BLTP1: variants seen among roughly 807,000 people sequenced by gnomAD.
BLTP1 encodes fragile site-associated protein.
the BLTP1 span, chr4:122,243,925 C>T: frequency 6.2e-7 from 1 of 1,610,476 alleles, no homozygotes. Flanking sequence ...GAAGAGTGGA[C>T]CCTGGATCAA....
the BLTP1 span, chr4:122,174,570 A>G: frequency 1.9e-6 from 3 of 1,609,032 alleles, no homozygotes; most frequent in African/African-American, 2.7e-5. Context: ...CCTTCCTATA[A>G]CAGGTTCCTT....
At chr4:122,254,306 G>T in the BLTP1 span, 1 of 1,613,156 alleles carries the variant, frequency 6.2e-7, no homozygotes, top group East Asian at 2.2e-5. Flanking sequence ...TAGTTTTGCA[G>T]CTCCCACCAA....
At chr4:122,278,170 G>C in the BLTP1 span, among the ~76,000 whole-genome samples, 1 of 151,930 alleles carries the variant, frequency 6.6e-6, no homozygotes, top group East Asian at 1.9e-4. Context: ...TGGAATTAAA[G>C]ATATAAAAAA....
At chr4:122,298,308 T>G in the BLTP1 span, 2 of 641,420 alleles carry the variant, frequency 3.1e-6, no homozygotes, top group Non-Finnish European at 3.9e-6. Flanking sequence ...CACCATGCTC[T>G]TGCCTATAGA....
At chr4:122,334,265 T>C in the BLTP1 span, 1 of 1,285,974 alleles carries the variant, frequency 7.8e-7, no homozygotes, top group Non-Finnish European at 1.1e-6. Context: ...CAATGTTCTT[T>C]CTACCACATT....
chr4:122,261,896 T>A, the BLTP1 span: 2 of 985,284 alleles, frequency 2.0e-6, no homozygotes, highest in Non-Finnish European at 2.4e-6. Context: ...TGGGAGGGCA[T>A]TGAAAAGGGA....
chr4:122,320,947 TC>T, the BLTP1 span, among the ~76,000 whole-genome samples: 1 of 151,894 alleles, frequency 6.6e-6, no homozygotes, highest in Non-Finnish European at 1.5e-5. Flanking sequence ...TTCTGTTTTT[TC>T]TTAGCATATC....
the BLTP1 span, chr4:122,307,790 C>T: frequency 6.1e-6 from 6 of 984,860 alleles, no homozygotes; most frequent in Non-Finnish European, 7.2e-6. Context: ...AAAATGGTGA[C>T]TATATGTCCT....
the BLTP1 span, chr4:122,277,184 A>C: frequency 4.8e-6 from 3 of 629,536 alleles, no homozygotes; most frequent in Non-Finnish European, 5.9e-6. Context: ...AAAAAATTTA[A>C]AAACAAGTTA....
At chr4:122,213,558 TATCAA>T in the BLTP1 span, among the ~76,000 whole-genome samples, 1 of 152,030 alleles carries the variant, frequency 6.6e-6, no homozygotes, top group East Asian at 1.9e-4. Flanking sequence ...TTTTTTTAGT[TATCAA>T]AATTAAACAT....
At chr4:122,344,284 A>T in the BLTP1 span, 2 of 1,262,678 alleles carry the variant, frequency 1.6e-6, no homozygotes, top group Non-Finnish European at 2.1e-6. Context: ...AATTCATGGC[A>T]TATTACAGTA....
the BLTP1 span, among the ~76,000 whole-genome samples, chr4:122,165,343 A>G: frequency 6.6e-6 from 1 of 151,218 alleles, no homozygotes; most frequent in Non-Finnish European, 1.5e-5. Context: ...TGTCCTTGCG[A>G]TAGTTTGCTG....
At chr4:122,336,834 G>A in the BLTP1 span, 7 of 1,544,574 alleles carry the variant, frequency 4.5e-6, no homozygotes, top group Non-Finnish European at 6.1e-6. Flanking sequence ...TTAATAAATA[G>A]TTTGCCTTTG....
the BLTP1 span, chr4:122,277,628 T>TA: frequency 1.0e-6 from 1 of 955,846 alleles, no homozygotes. Flanking sequence ...CAATTCTTAA[T>TA]AAAAGTAATA....
the BLTP1 span, chr4:122,255,319 C>T: frequency 1.4e-6 from 2 of 1,426,054 alleles, no homozygotes; most frequent in Non-Finnish European, 2.0e-6. Context: ...TTAAGGAATT[C>T]TCTATTCTGT....
chr4:122,200,294 T>C, the BLTP1 span: 1 of 984,952 alleles, frequency 1.0e-6, no homozygotes, highest in Non-Finnish European at 1.2e-6. Flanking sequence ...AATGCCAAAC[T>C]GCGCAGGATG....
At chr4:122,324,539 AAT>A in the BLTP1 span, 3 of 1,591,828 alleles carry the variant, frequency 1.9e-6, no homozygotes, top group Non-Finnish European at 2.6e-6. Context: ...AGGGCAAGGT[AAT>A]ATATATTTCA....
chr4:122,235,612 T>G, the BLTP1 span: 1 of 249,160 alleles, frequency 4.0e-6, no homozygotes, highest in South Asian at 1.5e-4. Flanking sequence ...AAGACCATCC[T>G]GGCTAACGTG....
At chr4:122,254,236 T>A in the BLTP1 span, 2 of 1,612,628 alleles carry the variant, frequency 1.2e-6, no homozygotes, top group Non-Finnish European at 1.7e-6. Flanking sequence ...AAGATCTACC[T>A]CTGATGCCTC....
Sources: allele counts gnomAD v4.1 joint callset (sites outside exome capture counted in the v4.1 genomes callset), GRCh38; gene constraint gnomAD v4.1.1; transcripts MANE v1.5; gene names NCBI Gene and HGNC (gene_info 2026-07-23, HGNC 2026-07-21).